Variants in SCLT1 observed in about 807,000 individuals in gnomAD.
The protein encoded by SCLT1 is sodium channel-associated protein 1.
SCLT1 carries 78 observed loss-of-function variants against 112.8 expected under a neutral mutation model. The ratio of observed to expected loss-of-function variants is 0.69; its 90% CI spans 0.58 to 0.83. The LOEUF (loss-of-function observed/expected upper bound fraction) is 0.83, where lower values mean the gene tolerates loss of function less well. Among genes scored for constraint, SCLT1 ranks in the 40% least tolerant of loss-of-function variants. The pLI is 0.00. For missense variants in SCLT1, 747 were observed against 770.4 expected, an observed-to-expected ratio of 0.97 and a Z score of 0.36; for synonymous variants, 257 against 254.7, an observed-to-expected ratio of 1.01 and a Z score of -0.09.
chr4:129,049,010 G>A (rs1748481072), intron 2 of SCLT1, among the ~76,000 whole-genome samples: 1 of 151,876 alleles, frequency 6.6e-6, no homozygotes, highest in Non-Finnish European at 1.5e-5. Flanking sequence ...GGAGAAATAG[G>A]AACACTTTGA....
rs529217744 is a variant in SCLT1, at chr4:128,952,611, C to T, written c.1218+158G>A. ...TGCTAGAACATAAGCCACAAGGCTGCTGCAAACATGTCTATCTGGATTTTC... is the reference window on the plus strand; with the variant it reads ...TGCTAGAACATAAGCCACAAGGCTGTTGCAAACATGTCTATCTGGATTTTC... On this transcript the variant is annotated intron_variant, in intron 14 of 20. Coordinates refer to ENST00000281142, the MANE Select transcript of SCLT1 (RefSeq NM_144643.4). The T allele has an allele frequency of 5.8e-5, 36 of 625,092 alleles. No individual in the cohort carries two copies. The South Asian group carries it at 6.6e-4, about 11-fold the overall frequency. The allele number at this position is 625,092 out of a possible 1,614,324, so 38.7% of individuals were successfully genotyped here.
At chr4:129,043,333 C>T (rs1315800861) in intron 4 of SCLT1, 62 bp downstream of exon 4, 6 of 842,166 alleles carry the variant, frequency 7.1e-6, no homozygotes, top group Non-Finnish European at 1.2e-5. Context: ...AAGAGGGAGT[C>T]TATTTTACTT....
chr4:129,065,681 T>C (rs1033566896), intron 2 of SCLT1, among the ~76,000 whole-genome samples: 4 of 152,098 alleles, frequency 2.6e-5, no homozygotes, highest in Admixed American at 6.6e-5. Flanking sequence ...AAATGCGTTG[T>C]AATTTATTTA....
intron 5 of SCLT1, among the ~76,000 whole-genome samples, chr4:129,016,648 C>G (rs1182001748): frequency 6.6e-6 from 1 of 152,168 alleles, no homozygotes; most frequent in Non-Finnish European, 1.5e-5. Context: ...TGCTGAATTT[C>G]AATTTTTATT....
chr4:128,873,834 C>T (rs1428186763), intron 5 of SCLT1: 1 of 152,614 alleles, frequency 6.6e-6, no homozygotes, highest in African/African-American at 2.4e-5. Context: ...CTGCAGTTAA[C>T]TTTCAAGTCT....
intron 1 of SCLT1, among the ~76,000 whole-genome samples, chr4:129,086,313 GTA>G (rs5861875): frequency 0.23 from 35,018 of 149,794 alleles, 5,466 homozygotes; most frequent in African/African-American, 0.45. Context: ...GTGTATGTAT[GTA>G]TATATATATA....
At chr4:128,890,495 A>G (rs529397723) in intron 19 of SCLT1, among the ~76,000 whole-genome samples, 1 of 152,300 alleles carries the variant, frequency 6.6e-6, no homozygotes, top group South Asian at 2.1e-4. Context: ...TAGACCACAA[A>G]GATGGAGTAG....
At chr4:128,991,069 G>GA (rs1264664997) in intron 9 of SCLT1, among the ~76,000 whole-genome samples, 2 of 151,236 alleles carry the variant, frequency 1.3e-5, no homozygotes, top group African/African-American at 4.8e-5. Flanking sequence ...TACAGAAATA[G>GA]AAAAAAAATC....
At chr4:128,972,340 T>G (rs1245994209) in intron 9 of SCLT1, 2 of 152,076 alleles carry the variant, frequency 1.3e-5, no homozygotes, top group African/African-American at 4.8e-5. Context: ...GTTCTACTTG[T>G]TTCATGGGAT....
At chr4:129,087,657 G>A (rs982399473) in intron 1 of SCLT1, among the ~76,000 whole-genome samples, 4 of 150,858 alleles carry the variant, frequency 2.7e-5, no homozygotes, top group African/African-American at 4.9e-5. Context: ...AAGAGGGTGA[G>A]GCAGGTGGAG....
downstream of SCLT1, among the ~76,000 whole-genome samples, chr4:128,881,397 A>C (rs1364534968): frequency 6.6e-6 from 1 of 152,216 alleles, no homozygotes; most frequent in Non-Finnish European, 1.5e-5. Context: ...GTTTGGCAAG[A>C]CTGTGTAACT....
intron 18 of SCLT1, among the ~76,000 whole-genome samples, chr4:128,892,796 G>T (rs1993035): frequency 0.25 from 37,960 of 152,042 alleles, 5,458 homozygotes; most frequent in East Asian, 0.33. Flanking sequence ...ATAAACACAG[G>T]TTCATTGACT....
chr4:129,058,327 GTCTT>G (rs995929184), intron 2 of SCLT1, among the ~76,000 whole-genome samples: 61 of 151,916 alleles, frequency 4.0e-4, no homozygotes, highest in African/African-American at 5.8e-4. Context: ...GTTAATTGAA[GTCTT>G]TCTATTTTTT....
At chr4:128,919,586 C>CA (rs896216156) in intron 18 of SCLT1, among the ~76,000 whole-genome samples, 2 of 151,642 alleles carry the variant, frequency 1.3e-5, no homozygotes, top group Non-Finnish European at 2.9e-5. Flanking sequence ...AATAGAGATG[C>CA]AAAAAACCAT....
chr4:128,890,991 G>T (rs1733266592), intron 19 of SCLT1, 68 bp downstream of exon 19: 1 of 1,109,226 alleles, frequency 9.0e-7, no homozygotes, highest in Non-Finnish European at 1.4e-6. Context: ...ATTTGGCTCA[G>T]GTAAAATTCT....
At chr4:128,964,731 T>C (rs1395519293) in intron 11 of SCLT1, among the ~76,000 whole-genome samples, 2 of 152,186 alleles carry the variant, frequency 1.3e-5, no homozygotes. Flanking sequence ...GTTGAGGTAA[T>C]ATCAAATTTC....
intron 2 of SCLT1, among the ~76,000 whole-genome samples, chr4:129,048,360 G>T (rs1039262210): frequency 6.6e-6 from 1 of 151,622 alleles, no homozygotes. Flanking sequence ...ACAAACCTGA[G>T]AAAAACAAGC....
chr4:128,951,331 TA>T (rs1191495833), intron 14 of SCLT1, among the ~76,000 whole-genome samples: 2 of 152,148 alleles, frequency 1.3e-5, no homozygotes, highest in Non-Finnish European at 2.9e-5. Context: ...GTTCTCCCCA[TA>T]GAATCAACAT....
intron 5 of SCLT1, chr4:129,036,754 T>C (rs1747212354): frequency 6.6e-6 from 1 of 151,900 alleles, no homozygotes; most frequent in African/African-American, 2.4e-5. Flanking sequence ...GGGTGTGCTA[T>C]GTAATTTTAA....
Sources: gnomAD v4.1 joint callset for allele counts (sites outside exome capture counted in the v4.1 genomes callset) on GRCh38, gnomAD v4.1.1 for gene constraint, MANE v1.5 for transcripts, NCBI Gene and HGNC (gene_info 2026-07-23, HGNC 2026-07-21) for gene names.